The following PPP6R2 variants were observed in gnomAD, a reference collection of about 807,000 sequenced individuals.
PPP6R2 encodes serine/threonine-protein phosphatase 6 regulatory subunit 2.
A neutral mutation model predicts 100.2 loss-of-function variants in PPP6R2; 62 were observed. The observed-to-expected ratio is 0.62, with a 90% confidence interval of 0.50 to 0.76. PPP6R2 has a LOEUF of 0.76. PPP6R2 is among the 30% of genes least tolerant of loss of function. The pLI is 0.00. For synonymous variants in PPP6R2, 525 were observed against 514.7 expected (o/e 1.02, Z -0.27); for missense variants, 1,142 against 1,276.3 (o/e 0.89, Z 1.60).
the PPP6R2 span, among the ~76,000 whole-genome samples, chr22:50,336,437 C>T: frequency 3.3e-5 from 5 of 152,098 alleles, no homozygotes; most frequent in African/African-American, 9.7e-5. Flanking sequence ...AGTGCGAAGG[C>T]GCGATCTCAG....
At chr22:50,444,165 C>T in intron 23 of PPP6R2, 34 bp from the exon 24 acceptor site, 3 of 1,612,276 alleles carry the variant, frequency 1.9e-6, no homozygotes, top group Non-Finnish European at 2.5e-6. Context: ...GGGCCCGCAG[C>T]CCGCACGGTT....
intron 22 of PPP6R2, among the ~76,000 whole-genome samples, chr22:50,441,668 CCA>C (rs869053418): frequency 7.3e-6 from 1 of 136,382 alleles, no homozygotes; most frequent in Non-Finnish European, 1.6e-5. Flanking sequence ...CCTTGAGCCC[CCA>C]AGAGCCATCC....
In PPP6R2 at chr22:50,444,049, A is replaced by G. The variant is rs1383137754; in HGVS notation, c.2763A>G (p.Leu921=). The change falls in exon 23 of 24, where the codon CTA becomes CTG. Residue 921 remains leucine (L), a synonymous_variant. Transcript: ENST00000612753. ...VSSALAVAVP[L]GPIMAVTAAP... Reference sequence around the variant, plus strand: ...CTGCACTGGCCGTGGCGGTCCCCCTAGGGCCCATCATGGCAGTCACAGCAG... The same window carrying G: ...CTGCACTGGCCGTGGCGGTCCCCCTGGGGCCCATCATGGCAGTCACAGCAG... 4 of 1,612,880 alleles carry G rather than the reference A, an allele frequency of 2.5e-6. No homozygotes were observed. The South Asian group carries it at 3.3e-5, about 13-fold the overall frequency.
intron 2 of PPP6R2, among the ~76,000 whole-genome samples, chr22:50,373,161 A>G (rs1370040002): frequency 1.3e-5 from 2 of 152,186 alleles, no homozygotes; most frequent in South Asian, 2.1e-4. Context: ...TGCTTCCAGC[A>G]ATATAAGATA....
chr22:50,355,548 T>G (rs2046335460), intron 1 of PPP6R2, among the ~76,000 whole-genome samples: 1 of 122,464 alleles, frequency 8.2e-6, no homozygotes. Context: ...TGAGATAGAG[T>G]CTCGCTCTGT....
intron 2 of PPP6R2, among the ~76,000 whole-genome samples, chr22:50,392,829 G>T (rs1396347964): frequency 6.6e-6 from 1 of 152,122 alleles, no homozygotes; most frequent in Non-Finnish European, 1.5e-5. Flanking sequence ...CCGTGTCAGG[G>T]GTCCTAGGGC....
intron 1 of PPP6R2, among the ~76,000 whole-genome samples, chr22:50,363,045 T>C (rs1045250157): frequency 6.6e-6 from 1 of 152,166 alleles, no homozygotes; most frequent in Admixed American, 6.6e-5. Flanking sequence ...CTGCATTTTA[T>C]TGGCCCACAT....
intron 1 of PPP6R2, among the ~76,000 whole-genome samples, chr22:50,346,825 GC>G (rs899760196): frequency 1.7e-5 from 2 of 118,278 alleles, no homozygotes; most frequent in East Asian, 2.4e-4. Context: ...GTCAGCCAGT[GC>G]CCCCCCAGTC....
chr22:50,440,679 C>A, intron 21 of PPP6R2, 143 bp from the exon 22 acceptor site: 1 of 931,806 alleles, frequency 1.1e-6, no homozygotes, highest in Admixed American at 2.1e-5. Context: ...TCTGCCTCAT[C>A]ATGCGGCTCC....
At chr22:50,353,092 C>G (rs919809293) in intron 1 of PPP6R2, among the ~76,000 whole-genome samples, 11 of 152,146 alleles carry the variant, frequency 7.2e-5, no homozygotes, top group African/African-American at 2.2e-4. Context: ...TCCGTGTCAG[C>G]AATAAAGCTG....
intron 4 of PPP6R2, 58 bp from the exon 5 acceptor site, chr22:50,414,494 G>T: frequency 1.3e-6 from 2 of 1,576,334 alleles, no homozygotes; most frequent in South Asian, 2.3e-5. Flanking sequence ...TTTTGGAGGA[G>T]GTGTCTCAGG....
chr22:50,352,082 A>T (rs1479742277), intron 1 of PPP6R2, among the ~76,000 whole-genome samples: 1 of 151,812 alleles, frequency 6.6e-6, no homozygotes, highest in East Asian at 1.9e-4. Context: ...GGCGTGAGCC[A>T]CCGCACCCGG....
At chr22:50,395,509 A>C (rs964918732) in intron 3 of PPP6R2, among the ~76,000 whole-genome samples, 4 of 152,126 alleles carry the variant, frequency 2.6e-5, no homozygotes, top group African/African-American at 9.7e-5. Flanking sequence ...CTCGGCCTGC[A>C]GGTCATGTCC....
At chr22:50,386,969 C>G (rs1000249163) in intron 2 of PPP6R2, among the ~76,000 whole-genome samples, 12 of 152,202 alleles carry the variant, frequency 7.9e-5, no homozygotes, top group Admixed American at 7.2e-4. Flanking sequence ...TCCAGGCCCT[C>G]TCTTCCTATC....
At chr22:50,378,868 A>G (rs1238683514) in intron 2 of PPP6R2, among the ~76,000 whole-genome samples, 1 of 150,354 alleles carries the variant, frequency 6.7e-6, no homozygotes, top group Non-Finnish European at 1.5e-5. Context: ...CAACAGAATT[A>G]AACCCTGTCC....
intron 1 of PPP6R2, among the ~76,000 whole-genome samples, chr22:50,346,658 C>A (rs1416882121): frequency 6.9e-6 from 1 of 145,372 alleles, no homozygotes; most frequent in East Asian, 2.0e-4. Context: ...CAGTCAGTGC[C>A]CCTTGCAAGT....
intron 2 of PPP6R2, among the ~76,000 whole-genome samples, chr22:50,385,259 G>A (rs562823443): frequency 4.0e-5 from 6 of 151,676 alleles, no homozygotes; most frequent in Non-Finnish European, 8.8e-5. Flanking sequence ...GCAATGGTGC[G>A]ATTTAGACTC....
chr22:50,389,842 G>A (rs746321662), intron 2 of PPP6R2, among the ~76,000 whole-genome samples: 13 of 151,714 alleles, frequency 8.6e-5, no homozygotes, highest in Non-Finnish European at 1.3e-4. Flanking sequence ...GCCCGCCTTG[G>A]CCCCGCAAAA....
chr22:50,339,264 GT>G (rs2042340861), upstream of PPP6R2, among the ~76,000 whole-genome samples: 1 of 114,848 alleles, frequency 8.7e-6, no homozygotes, highest in African/African-American at 6.8e-5. Flanking sequence ...TTGTGTGATT[GT>G]GTGGTGTGTG....
Sources: allele counts gnomAD v4.1 joint callset (sites outside exome capture counted in the v4.1 genomes callset), GRCh38; gene constraint gnomAD v4.1.1; transcripts MANE v1.5; gene names NCBI Gene and HGNC (gene_info 2026-07-23, HGNC 2026-07-21).